The following AHI1 variants were observed in gnomAD, a reference collection of about 807,000 sequenced individuals.
AHI1 encodes jouberin.
A neutral mutation model predicts 149.3 loss-of-function variants in AHI1; 123 were observed. That is an observed-to-expected ratio of 0.82 (90% CI 0.71 to 0.96). The LOEUF is 0.96. Ranked by LOEUF, AHI1 falls within the 40% of genes least tolerant of loss-of-function variation. The pLI, the probability that AHI1 is intolerant of heterozygous loss-of-function variation, is 0.00. For missense variants in AHI1, 1,439 were observed against 1,422.7 expected, an observed-to-expected ratio of 1.01 and a Z score of -0.18; for synonymous variants, 475 against 459.8, an observed-to-expected ratio of 1.03 and a Z score of -0.42.
chr6:135,436,478 C>G (rs1188966085), intron 15 of AHI1, among the ~76,000 whole-genome samples: 1 of 152,114 alleles, frequency 6.6e-6, no homozygotes, highest in Non-Finnish European at 1.5e-5. Context: ...GCCAGAATAA[C>G]TGGGCTGAAG....
chr6:135,333,009 C>A (rs1174561705), intron 24 of AHI1, among the ~76,000 whole-genome samples: 2 of 152,128 alleles, frequency 1.3e-5, no homozygotes, highest in Admixed American at 6.6e-5. Flanking sequence ...ATCAGAAATG[C>A]GAATTTTTGC....
chr6:135,394,291 A>G (rs997584291), intron 23 of AHI1, among the ~76,000 whole-genome samples: 2 of 152,098 alleles, frequency 1.3e-5, no homozygotes, highest in Non-Finnish European at 2.9e-5. Context: ...AAACAATTGT[A>G]TAGTTCACTT....
rs945412238 is a variant in AHI1, at chr6:135,284,560, T to C, written c.*1085A>G. On this transcript the variant is annotated 3_prime_UTR_variant, in exon 29 of 29. Transcript: ENST00000265602. ...CTTCAAAACATATAGTCTATAATAA[T>C]GACACTATTATTCTGGAACTTAGAA... 6.6e-6 allele frequency: 1 copy of C among 151,542 alleles called. No individual in the cohort carries two copies. Among genetic ancestry groups the C allele is most frequent in the Admixed American group, 6.5e-5 (1 of 15,272 alleles). 9.4% of individuals were successfully genotyped at this position (151,542 alleles called of 1,614,324 possible).
Position 135,434,125 on chromosome 6 carries a change from T to C in AHI1, c.2037-869A>G, listed in dbSNP as rs372910141. On this transcript the variant is annotated intron_variant, in intron 15 of 28. Coordinates refer to ENST00000265602, the MANE Select transcript of AHI1 (RefSeq NM_001134831.2). ...GAACATATTAATTTTAAATATGGGATTTGTATTCATCCTTTTAATTACTGC... is the reference window on the plus strand; with the variant it reads ...GAACATATTAATTTTAAATATGGGACTTGTATTCATCCTTTTAATTACTGC... Among the ~76,000 whole-genome samples, 12 of 152,162 alleles carry C rather than the reference T, an allele frequency of 7.9e-5. 1 individual carries two copies. The highest frequency in any genetic ancestry group is 1.9e-4 in the East Asian group (1 of 5,188).
chr6:135,444,246 T>C (rs1224927436), intron 13 of AHI1, among the ~76,000 whole-genome samples: 2 of 152,184 alleles, frequency 1.3e-5, no homozygotes, highest in African/African-American at 2.4e-5. Context: ...GATCTCCCCA[T>C]GCCACTGCCT....
chr6:135,337,874 C>T (rs558795343), intron 24 of AHI1, among the ~76,000 whole-genome samples: 4 of 151,782 alleles, frequency 2.6e-5, no homozygotes, highest in South Asian at 2.1e-4. Context: ...ACTAAAATAC[C>T]GAGGCTTATC....
chr6:135,396,294 AT>A, intron 22 of AHI1, among the ~76,000 whole-genome samples: 1 of 151,878 alleles, frequency 6.6e-6, no homozygotes, highest in East Asian at 1.9e-4. Flanking sequence ...TAGTGATACA[AT>A]ACCTAAAACA....
chr6:135,428,520 C>A, intron 19 of AHI1, 109 bp downstream of exon 19: 1 of 1,288,720 alleles, frequency 7.8e-7, no homozygotes, highest in Non-Finnish European at 1.0e-6. Flanking sequence ...AATTGAAAAC[C>A]CAAAATCAGA....
chr6:135,323,205 C>T lies in AHI1; in HGVS notation c.3285G>A (p.Lys1095=), dbSNP rs1016306200. 9.3e-6 allele frequency: 15 copies of T among 1,613,584 alleles called. No homozygotes were observed. In the Admixed American group the frequency reaches 1.0e-4, roughly 11 times the overall value. ...NEDWWYGSIG[K]GQEGYFPANH... is the part of the protein sequence containing the mutation. ...TAGCTGGAAAATAACCTTCCTGTCC[C>T]TTTCCTATGCTGCCATACCACCAGT... Residue 1095 remains lysine (K), a synonymous_variant, in exon 25 of 29, where the codon AAG becomes AAA. Coordinates refer to ENST00000265602, the MANE Select transcript of AHI1 (RefSeq NM_001134831.2).
chr6:135,396,117 T>C (rs1254263553), intron 22 of AHI1, among the ~76,000 whole-genome samples: 3 of 151,818 alleles, frequency 2.0e-5, no homozygotes, highest in Non-Finnish European at 4.4e-5. Flanking sequence ...TAAGACCATA[T>C]GTTAATATGG....
At chr6:135,427,098 A>C in intron 20 of AHI1, 69 bp downstream of exon 20, 1 of 1,464,328 alleles carries the variant, frequency 6.8e-7, no homozygotes, top group Non-Finnish European at 9.3e-7. Context: ...AATTCCAGAC[A>C]GATTCCTGGT....
At chr6:135,456,677 C>G (rs765001296) in intron 9 of AHI1, among the ~76,000 whole-genome samples, 3 of 151,968 alleles carry the variant, frequency 2.0e-5, no homozygotes, top group Non-Finnish European at 2.9e-5. Flanking sequence ...TTTGGACAAT[C>G]TTCCTGTTTC....
intron 26 of AHI1, among the ~76,000 whole-genome samples, chr6:135,310,924 A>G: frequency 6.6e-6 from 1 of 152,154 alleles, no homozygotes; most frequent in East Asian, 1.9e-4. Flanking sequence ...TTCAGGAATT[A>G]AAAAAACAGA....
In AHI1 at chr6:135,284,638, T is replaced by C. The variant is rs1781508038; in HGVS notation, c.*1007A>G. 1 of 152,000 alleles carries C rather than the reference T, an allele frequency of 6.6e-6. No homozygotes were observed. The allele number at this position is 152,000 out of a possible 1,614,324, so 9.4% of individuals were successfully genotyped here. Reference sequence around the variant, plus strand: ...AAAAATATTAAGATTAAAATAAATATTAAACAATGTAAGTCTACAAAATAG... The same window carrying C: ...AAAAATATTAAGATTAAAATAAATACTAAACAATGTAAGTCTACAAAATAG... On this transcript the variant is annotated 3_prime_UTR_variant, in exon 29 of 29. Transcript: ENST00000265602.
At chr6:135,470,879 T>C (rs1365291944) in intron 5 of AHI1, among the ~76,000 whole-genome samples, 2 of 152,188 alleles carry the variant, frequency 1.3e-5, no homozygotes, top group African/African-American at 2.4e-5. Context: ...GTTACCTATG[T>C]AACAAACTTG....
chr6:135,362,994 C>T (rs1794145937), intron 23 of AHI1, among the ~76,000 whole-genome samples: 1 of 150,840 alleles, frequency 6.6e-6, no homozygotes, highest in Non-Finnish European at 1.5e-5. Flanking sequence ...GATTCTGGGT[C>T]TTAGATTTAA....
At chr6:135,414,958 C>T (rs1177290822) in intron 20 of AHI1, among the ~76,000 whole-genome samples, 1 of 98,962 alleles carries the variant, frequency 1.0e-5, no homozygotes, top group African/African-American at 4.0e-5. Flanking sequence ...TGCTATCCCT[C>T]CCCCCTCCCC....
chr6:135,383,106 A>G (rs1307293279), intron 23 of AHI1, among the ~76,000 whole-genome samples: 3 of 149,776 alleles, frequency 2.0e-5, no homozygotes, highest in Non-Finnish European at 4.4e-5. Context: ...GTGAATTAAA[A>G]TATTTTTCAT....
intron 23 of AHI1, among the ~76,000 whole-genome samples, chr6:135,358,984 A>G (rs1216092413): frequency 6.6e-6 from 1 of 152,254 alleles, no homozygotes; most frequent in Non-Finnish European, 1.5e-5. Flanking sequence ...TGTTCAAACA[A>G]TGCTAAAGGC....
Sources: allele counts gnomAD v4.1 joint callset (sites outside exome capture counted in the v4.1 genomes callset), GRCh38; gene constraint gnomAD v4.1.1; transcripts MANE v1.5; gene names NCBI Gene and HGNC (gene_info 2026-07-23, HGNC 2026-07-21).